Variants in PTPRD observed in about 807,000 individuals in gnomAD.
The protein encoded by PTPRD is receptor-type tyrosine-protein phosphatase delta.
Under a neutral mutation model 214.5 loss-of-function variants are expected in PTPRD, and 34 were observed. The ratio of observed to expected loss-of-function variants is 0.16; its 90% confidence interval spans 0.12 to 0.21. PTPRD has a LOEUF of 0.21. Among genes scored for constraint, PTPRD ranks in the 10% least tolerant of loss-of-function variants. PTPRD has a pLI of 1.00. For synonymous variants in PTPRD, 1,128 were observed against 845.7 expected, an observed-to-expected ratio of 1.33 and a Z score of -5.79; for missense variants, 2,545 against 2,398.7, an observed-to-expected ratio of 1.06 and a Z score of -1.27.
chr9:10,171,161 G>A (rs1341378738), intron 3 of PTPRD, among the ~76,000 whole-genome samples: 2 of 152,098 alleles, frequency 1.3e-5, no homozygotes, highest in African/African-American at 2.4e-5. Context: ...CTATACCTGG[G>A]AGATCTACTG....
At position 8,919,111 on chromosome 9, in the gene PTPRD, C is replaced by T. The variant is rs541114077; in HGVS notation, c.-104+99586G>A. 5.3e-5 allele frequency among the ~76,000 whole-genome samples: 8 copies of T among 152,210 alleles called. No homozygotes were observed. In the South Asian group the frequency reaches 1.4e-3, roughly 28 times the overall value. On this transcript the variant is annotated intron_variant, in intron 11 of 45. Transcript: ENST00000381196. ...AAGAAGGATGAGAGCTGTTATCTAA[C>T]TGCAGTTTAATAAATTTCAACCTGT... is the stretch of plus-strand genomic sequence containing the variant.
chr9:9,864,898 T>C (rs1176035688), intron 5 of PTPRD, among the ~76,000 whole-genome samples: 1 of 152,180 alleles, frequency 6.6e-6, no homozygotes, highest in East Asian at 1.9e-4. Context: ...AGATTTCATC[T>C]TTAAAAATTA....
intron 10 of PTPRD, among the ~76,000 whole-genome samples, chr9:9,109,638 G>A (rs181957154): frequency 1.3e-5 from 2 of 152,232 alleles, no homozygotes; most frequent in East Asian, 3.9e-4. Context: ...TCTGGGTGGA[G>A]GTCTAGGAGA....
chr9:9,377,309 T>C (rs17606675), intron 9 of PTPRD, among the ~76,000 whole-genome samples: 4 of 152,140 alleles, frequency 2.6e-5, no homozygotes, highest in Admixed American at 1.3e-4. Flanking sequence ...AAAATACGTC[T>C]TGTGCTAATT....
intron 2 of PTPRD, among the ~76,000 whole-genome samples, chr9:10,515,975 T>C (rs1324414038): frequency 1.3e-5 from 2 of 151,988 alleles, no homozygotes; most frequent in Non-Finnish European, 2.9e-5. Flanking sequence ...CATCCATTCA[T>C]CTGTGGACAT....
chr9:8,485,140 G>T, intron 29 of PTPRD, 87 bp downstream of exon 29: 2 of 1,110,048 alleles, frequency 1.8e-6, no homozygotes, highest in Non-Finnish European at 2.7e-6. Flanking sequence ...AAACAAAGTG[G>T]TCTGCTTGCT....
At chr9:9,561,612 G>A (rs1026108368) in intron 8 of PTPRD, among the ~76,000 whole-genome samples, 4 of 152,164 alleles carry the variant, frequency 2.6e-5, no homozygotes, top group African/African-American at 9.7e-5. Flanking sequence ...ACTACAGTTA[G>A]AAATGTGCAG....
chr9:9,834,554 A>G (rs889862164), intron 5 of PTPRD, among the ~76,000 whole-genome samples: 18 of 152,054 alleles, frequency 1.2e-4, no homozygotes, highest in African/African-American at 3.9e-4. Flanking sequence ...TTTGGAAAAG[A>G]TAACAGCCAC....
At chr9:8,636,648 AC>A in intron 13 of PTPRD, 50 bp downstream of exon 13, 1 of 1,599,486 alleles carries the variant, frequency 6.3e-7, no homozygotes, top group Non-Finnish European at 8.6e-7. Flanking sequence ...GAAACCAAAG[AC>A]AGAGCAGATA....
chr9:10,467,253 C>T (rs2099000977), intron 2 of PTPRD, among the ~76,000 whole-genome samples: 1 of 152,204 alleles, frequency 6.6e-6, no homozygotes, highest in Non-Finnish European at 1.5e-5. Flanking sequence ...GATCTGGCAT[C>T]TGCCAAAAGG....
intron 11 of PTPRD, among the ~76,000 whole-genome samples, chr9:8,805,916 A>C (rs2096667885): frequency 7.0e-6 from 1 of 143,222 alleles, no homozygotes. Context: ...AATGGCGTGA[A>C]CCCGGGAGGT....
intron 2 of PTPRD, among the ~76,000 whole-genome samples, chr9:10,588,934 C>G (rs1355569709): frequency 6.6e-6 from 1 of 151,960 alleles, no homozygotes; most frequent in African/African-American, 2.4e-5. Flanking sequence ...ATTTCTCTCA[C>G]TAGAATCTAA....
rs192354614 is a variant in PTPRD, at chr9:10,204,491, G to C, written c.-545+136472C>G. Among the ~76,000 whole-genome samples, 8 of 152,196 alleles carry C rather than the reference G, an allele frequency of 5.3e-5. No individual in the cohort carries two copies. In the East Asian group the frequency reaches 1.2e-3, roughly 22 times the overall value. On this transcript the variant is annotated intron_variant, in intron 3 of 45. Transcript: ENST00000381196. ...CAGTGAATGGAATTTCCGTCATCTA[G>C]TTGGCTAGCATTAAATATTTGTTGA... is the stretch of plus-strand genomic sequence containing the variant.
chr9:10,011,910 G>A (rs561950037), intron 4 of PTPRD, among the ~76,000 whole-genome samples: 1 of 152,036 alleles, frequency 6.6e-6, no homozygotes, highest in East Asian at 1.9e-4. Flanking sequence ...AACCTTCATA[G>A]AGTCCCTTCC....
intron 14 of PTPRD, among the ~76,000 whole-genome samples, chr9:8,606,339 A>T (rs1564670907): frequency 1.3e-5 from 2 of 152,186 alleles, no homozygotes; most frequent in South Asian, 4.1e-4. Flanking sequence ...ATCACAGTCT[A>T]GTCCTTTCAT....
chr9:9,885,925 G>C (rs192430662), intron 5 of PTPRD, among the ~76,000 whole-genome samples: 4 of 151,838 alleles, frequency 2.6e-5, no homozygotes, highest in African/African-American at 7.2e-5. Flanking sequence ...AGATCTGTGA[G>C]TGTAGATTTT....
At chr9:9,251,471 C>T (rs976449110) in intron 9 of PTPRD, among the ~76,000 whole-genome samples, 1 of 151,824 alleles carries the variant, frequency 6.6e-6, no homozygotes, top group African/African-American at 2.4e-5. Context: ...CCTTCTCTTC[C>T]TTCTTTATTT....
chr9:9,443,603 C>A (rs545207732), intron 8 of PTPRD, among the ~76,000 whole-genome samples: 35 of 152,282 alleles, frequency 2.3e-4, no homozygotes, highest in African/African-American at 7.9e-4. Flanking sequence ...GACTACTTGT[C>A]AGAAAGATCG....
intron 2 of PTPRD, among the ~76,000 whole-genome samples, chr9:10,420,058 T>G (rs900904625): frequency 6.6e-6 from 1 of 151,700 alleles, no homozygotes; most frequent in Non-Finnish European, 1.5e-5. Flanking sequence ...TATTGTATCC[T>G]AAGAATGAAA....
Sources: allele counts gnomAD v4.1 joint callset (sites outside exome capture counted in the v4.1 genomes callset), GRCh38; gene constraint gnomAD v4.1.1; transcripts MANE v1.5; gene names NCBI Gene and HGNC (gene_info 2026-07-23, HGNC 2026-07-21).